Variants in PCDH15 observed in about 807,000 individuals in gnomAD.
PCDH15 encodes the protein protocadherin-15.
A neutral mutation model predicts 178.5 loss-of-function variants in PCDH15; 129 were observed. That is an observed-to-expected ratio of 0.72 (90% CI 0.63 to 0.84). The LOEUF (loss-of-function observed/expected upper bound fraction) is 0.84, where lower values mean the gene tolerates loss of function less well. PCDH15 is among the 40% of genes least tolerant of loss of function. The pLI is 0.00. For synonymous variants in PCDH15, 800 were observed against 732.0 expected (o/e 1.09, Z -1.50); for missense variants, 2,230 against 2,099.9 (o/e 1.06, Z -1.21).
At chr10:55,144,767 T>C (rs545640193) in intron 2 of PCDH15, among the ~76,000 whole-genome samples, 2 of 152,244 alleles carry the variant, frequency 1.3e-5, no homozygotes, top group East Asian at 3.9e-4. Context: ...CAGGGTTATA[T>C]AATTACTTGC....
chr10:54,120,947 T>C (rs1286171680), intron 15 of PCDH15, among the ~76,000 whole-genome samples: 1 of 151,918 alleles, frequency 6.6e-6, no homozygotes, highest in African/African-American at 2.4e-5. Flanking sequence ...GGATCCAATA[T>C]GCATCTACAG....
intron 3 of PCDH15, among the ~76,000 whole-genome samples, chr10:54,866,872 C>T (rs1260623977): frequency 6.6e-6 from 1 of 152,106 alleles, no homozygotes; most frequent in Non-Finnish European, 1.5e-5. Context: ...ACATTCTTTG[C>T]TGTCAAATTT....
At chr10:54,244,828 A>G (rs1272047156) in intron 8 of PCDH15, among the ~76,000 whole-genome samples, 3 of 152,194 alleles carry the variant, frequency 2.0e-5, no homozygotes, top group Non-Finnish European at 4.4e-5. Flanking sequence ...TGGAAGTCAG[A>G]GGAAAGGAAG....
chr10:54,506,838 A>G (rs2081209511), intron 3 of PCDH15, among the ~76,000 whole-genome samples: 1 of 152,074 alleles, frequency 6.6e-6, no homozygotes, highest in Non-Finnish European at 1.5e-5. Flanking sequence ...TGTTTATTCT[A>G]TTGACTGTGT....
chr10:54,603,282 A>C (rs2092616613), intron 2 of PCDH15, among the ~76,000 whole-genome samples: 2 of 151,418 alleles, frequency 1.3e-5, no homozygotes. Flanking sequence ...CTCTTTGGTT[A>C]CTCTAGGAAA....
intron 8 of PCDH15, among the ~76,000 whole-genome samples, chr10:54,251,379 C>T (rs1055802921): frequency 1.3e-5 from 2 of 152,092 alleles, no homozygotes; most frequent in East Asian, 3.9e-4. Flanking sequence ...TTTTTCCTTA[C>T]AGTATCTTTG....
At chr10:55,263,771 G>A (rs1435233064) in intron 1 of PCDH15, among the ~76,000 whole-genome samples, 3 of 152,098 alleles carry the variant, frequency 2.0e-5, no homozygotes, top group Non-Finnish European at 4.4e-5. Flanking sequence ...GTCTCACTCT[G>A]TCGTCTGGGC....
chr10:54,130,000 G>A (rs2042295099), intron 15 of PCDH15, among the ~76,000 whole-genome samples: 2 of 152,086 alleles, frequency 1.3e-5, no homozygotes, highest in Admixed American at 1.3e-4. Context: ...TACATGAAAG[G>A]GTAATTTGGA....
At chr10:55,295,785 C>T (rs1002809366) in intron 1 of PCDH15, among the ~76,000 whole-genome samples, 2 of 152,146 alleles carry the variant, frequency 1.3e-5, no homozygotes, top group Admixed American at 1.3e-4. Context: ...CTCCAACTCT[C>T]TGGACACCAA....
intron 3 of PCDH15, among the ~76,000 whole-genome samples, chr10:54,509,303 T>A (rs924903352): frequency 6.6e-6 from 1 of 152,082 alleles, no homozygotes; most frequent in African/African-American, 2.4e-5. Context: ...CTCGTGGTAG[T>A]GAATAAGTCT....
chr10:54,196,304 G>A (rs888599828), intron 10 of PCDH15, among the ~76,000 whole-genome samples: 1 of 151,844 alleles, frequency 6.6e-6, no homozygotes, highest in Non-Finnish European at 1.5e-5. Flanking sequence ...CACCACGCAT[G>A]GCTAATGTTT....
intron 2 of PCDH15, among the ~76,000 whole-genome samples, chr10:55,520,207 G>C (rs1305452194): frequency 2.1e-5 from 1 of 47,862 alleles, no homozygotes; most frequent in Non-Finnish European, 3.8e-5. Flanking sequence ...CACGCAATGT[G>C]TATATATATA....
At chr10:54,412,405 T>C (rs7918858) in intron 3 of PCDH15, among the ~76,000 whole-genome samples, 120,539 of 151,936 alleles carry the variant, frequency 0.79, 48,574 homozygotes, top group East Asian at 0.97. Flanking sequence ...ACAGGTATTG[T>C]AGTTTTCTCT....
intron 32 of PCDH15, chr10:53,821,002 A>G: frequency 1.5e-6 from 1 of 685,290 alleles, no homozygotes; most frequent in Non-Finnish European, 1.8e-6. Context: ...AATCTTATGA[A>G]AAAATTTAAA....
At chr10:55,354,591 T>C (rs1383253098) in intron 2 of PCDH15, among the ~76,000 whole-genome samples, 3 of 152,086 alleles carry the variant, frequency 2.0e-5, no homozygotes, top group Admixed American at 6.6e-5. Context: ...TATAAGAATA[T>C]GTGTTAAAAA....
At chr10:54,963,511 C>T (rs1838708570) in intron 2 of PCDH15, among the ~76,000 whole-genome samples, 1 of 152,028 alleles carries the variant, frequency 6.6e-6, no homozygotes, top group African/African-American at 2.4e-5. Flanking sequence ...ATGGGTTTTC[C>T]CTGAAACAAT....
chr10:55,256,188 A>C (rs1841992497), intron 1 of PCDH15, among the ~76,000 whole-genome samples: 1 of 152,320 alleles, frequency 6.6e-6, no homozygotes, highest in South Asian at 2.1e-4. Context: ...TTTTCCCAGC[A>C]CCATTTATTA....
chr10:54,859,072 G>A (rs1953792732), intron 3 of PCDH15, among the ~76,000 whole-genome samples: 1 of 151,980 alleles, frequency 6.6e-6, no homozygotes, highest in Non-Finnish European at 1.5e-5. Flanking sequence ...AGGGTAAAGT[G>A]CTCTTTGTAT....
At chr10:54,383,240 A>G (rs1176999956) in intron 3 of PCDH15, among the ~76,000 whole-genome samples, 2 of 149,870 alleles carry the variant, frequency 1.3e-5, no homozygotes, top group East Asian at 3.9e-4. Flanking sequence ...TACCAGCAAG[A>G]AAAAAAAAAG....
Sources: allele counts gnomAD v4.1 joint callset (sites outside exome capture counted in the v4.1 genomes callset), GRCh38; gene constraint gnomAD v4.1.1; transcripts MANE v1.5; gene names NCBI Gene and HGNC (gene_info 2026-07-23, HGNC 2026-07-21).